ZNF432: variants seen among roughly 807,000 people sequenced by gnomAD.
ZNF432 encodes zinc finger protein 432.
Under a neutral mutation model 13.9 loss-of-function variants are expected in ZNF432, and 10 were observed. That is an observed-to-expected ratio of 0.72 (90% CI 0.44 to 1.22). ZNF432 has a LOEUF of 1.22. Ranked by LOEUF, ZNF432 falls within the 50% of genes most tolerant of loss-of-function variation. ZNF432 has a pLI of 0.00. For synonymous variants in ZNF432, 247 were observed against 256.2 expected, an observed-to-expected ratio of 0.96 and a Z score of 0.34; for missense variants, 793 against 796.2, an observed-to-expected ratio of 1.00 and a Z score of 0.05.
chr19:52,042,838 T>G (rs1400581009), intron 2 of ZNF432, among the ~76,000 whole-genome samples: 1 of 152,102 alleles, frequency 6.6e-6, no homozygotes, highest in African/African-American at 2.4e-5. Flanking sequence ...ACATATAACA[T>G]TATGCAAACA....
intron 4 of ZNF432, among the ~76,000 whole-genome samples, chr19:52,039,281 T>C (rs2087112018): frequency 6.6e-6 from 1 of 152,142 alleles, no homozygotes; most frequent in South Asian, 2.1e-4. Context: ...ACATGAACGT[T>C]CATAGCAGCA....
chr19:52,032,375 T>C lies in ZNF432; in HGVS notation c.*1345A>G, dbSNP rs1364650984. The C allele has an allele frequency of 2.0e-5, 3 of 152,020 alleles. No individual in the cohort carries two copies. The highest frequency in any genetic ancestry group is 2.9e-5 in the Non-Finnish European group (2 of 68,018). 9.4% of individuals were successfully genotyped at this position (152,020 alleles called of 1,614,324 possible). On this transcript the variant is annotated 3_prime_UTR_variant, in exon 5 of 5. Transcript: ENST00000221315. Reference sequence around the variant, plus strand: ...ATTGATAATATGATGCAAGGTATGCTGTCACAGAATAGATATCAAGTGTAT... The same window carrying C: ...ATTGATAATATGATGCAAGGTATGCCGTCACAGAATAGATATCAAGTGTAT...
rs1344203208 is a variant in ZNF432, at chr19:52,034,250, G to A, written c.1429C>T (p.Arg477Ter). The change falls in exon 5 of 5, where the codon CGA becomes TGA. Residue 477 changes from arginine (R) to a stop codon, truncating the protein, a stop_gained. Coordinates refer to ENST00000221315, the MANE Select transcript of ZNF432 (RefSeq NM_014650.4). LOFTEE classifies it low-confidence loss of function (END_TRUNC). Reference sequence around the variant, plus strand: ...TAAGGTTTCTCTCCAGTATGAGTTCGCTGATGTACAATCAGCCGACTCTTC... The same window carrying A: ...TAAGGTTTCTCTCCAGTATGAGTTCACTGATGTACAATCAGCCGACTCTTC... ...PLKSRLIVHQ[R>*]THTGEKPYRC... The A allele has an allele frequency of 1.3e-5, 21 of 1,614,020 alleles. No individual in the cohort carries two copies. Among genetic ancestry groups the A allele is most frequent in the Middle Eastern group, 1.6e-4 (1 of 6,062 alleles).
intron 4 of ZNF432, among the ~76,000 whole-genome samples, chr19:52,036,235 A>G (rs1171476233): frequency 1.3e-5 from 2 of 152,250 alleles, no homozygotes; most frequent in Non-Finnish European, 2.9e-5. Context: ...TTTGGGATAC[A>G]CAAAATATGC....
chr19:52,034,090 A>C lies in ZNF432; in HGVS notation c.1589T>G (p.Val530Gly). The change falls in exon 5 of 5, where the codon GTA becomes GGA. Residue 530 changes from valine to glycine, a missense_variant. Physicochemically the swap from Val to Gly is moderately radical, Grantham distance 109. Transcript: ENST00000221315. ...KGFAFKSNLV[V>G]HQRTHTGEKP... The stretch of plus-strand genomic sequence containing the variant: ...CTCTCCAGTATGAGTTCGCTGGTGT[A>C]CAACAAGATTGCTCTTAAAGGCAAA... 1 of 1,613,936 alleles carries C rather than the reference A, an allele frequency of 6.2e-7. No homozygotes were observed. Among genetic ancestry groups the C allele is most frequent in the Non-Finnish European group, 8.5e-7 (1 of 1,179,912 alleles).
chr19:52,039,733 G>T (rs980537311), intron 4 of ZNF432, among the ~76,000 whole-genome samples: 1 of 151,040 alleles, frequency 6.6e-6, no homozygotes, highest in East Asian at 1.9e-4. Context: ...GGAGCCTGAG[G>T]CAGGAGAATC....
intron 4 of ZNF432, among the ~76,000 whole-genome samples, chr19:52,038,616 C>T (rs1384192004): frequency 6.6e-6 from 1 of 152,204 alleles, no homozygotes; most frequent in Non-Finnish European, 1.5e-5. Context: ...ATTCATGTCA[C>T]CATCTTCCTA....
chr19:52,048,599 C>G (rs1355077162), intron 1 of ZNF432, 96 bp downstream of exon 1: 1 of 152,238 alleles, frequency 6.6e-6, no homozygotes, highest in African/African-American at 2.4e-5. Context: ...TCCCCCAACC[C>G]CCGCGCTACC....
At chr19:52,035,750 C>T (rs1204515152) in intron 4 of ZNF432, among the ~76,000 whole-genome samples, 2 of 152,078 alleles carry the variant, frequency 1.3e-5, no homozygotes, top group East Asian at 3.9e-4. Context: ...CCAGGCTGGT[C>T]TTGAACTCCT....
intron 2 of ZNF432, among the ~76,000 whole-genome samples, chr19:52,043,485 T>C (rs912587533): frequency 9.2e-5 from 14 of 151,856 alleles, no homozygotes; most frequent in African/African-American, 2.9e-4. Flanking sequence ...TTTCTCCCCA[T>C]GTGATAGTCT....
chr19:52,044,099 C>A (rs1156500969), intron 2 of ZNF432, among the ~76,000 whole-genome samples: 2 of 152,144 alleles, frequency 1.3e-5, no homozygotes, highest in Admixed American at 6.5e-5. Context: ...CCCACCCCTT[C>A]ACAAATTGAT....
chr19:52,046,763 TTA>T, intron 2 of ZNF432, 89 bp downstream of exon 2: 1 of 1,374,570 alleles, frequency 7.3e-7, no homozygotes, highest in Non-Finnish European at 1.0e-6. Context: ...GATTTAAAGT[TTA>T]TTTCTCTCTA....
chr19:52,040,408 C>T, intron 4 of ZNF432, 80 bp downstream of exon 4: 1 of 1,228,868 alleles, frequency 8.1e-7, no homozygotes, highest in Non-Finnish European at 1.2e-6. Flanking sequence ...GTAGGCACTG[C>T]TTCTGTGTCC....
At position 52,046,796 on chromosome 19, in the gene ZNF432, C is replaced by T. The variant is rs113173256; in HGVS notation, c.15+58G>A. ...CTCTAGATTCTGAAATGATTTCTTA[C>T]GGGTCTCTACAAATCCACTATGGAA... On this transcript the variant is annotated intron_variant, in intron 2 of 4. Transcript: ENST00000221315. 1.2e-3 allele frequency: 1,859 copies of T among 1,528,778 alleles called. 5 individuals carry two copies. Among genetic ancestry groups the T allele is most frequent in the Admixed American group, 2.0e-3 (108 of 53,178 alleles). 94.7% of individuals were successfully genotyped at this position (1,528,778 alleles called of 1,614,324 possible).
intron 1 of ZNF432, among the ~76,000 whole-genome samples, chr19:52,047,895 A>G (rs994831638): frequency 6.6e-6 from 1 of 152,096 alleles, no homozygotes; most frequent in Non-Finnish European, 1.5e-5. Context: ...AAGGATAAAA[A>G]TAGGCTCTTG....
intron 4 of ZNF432, among the ~76,000 whole-genome samples, chr19:52,035,657 C>T (rs1377706766): frequency 6.6e-6 from 1 of 152,130 alleles, no homozygotes; most frequent in Non-Finnish European, 1.5e-5. Flanking sequence ...CTCAGCCTCC[C>T]AAGTAGCTGG....
chr19:52,035,909 T>C (rs1215093505), intron 4 of ZNF432, among the ~76,000 whole-genome samples: 1 of 152,094 alleles, frequency 6.6e-6, no homozygotes, highest in African/African-American at 2.4e-5. Context: ...TACACTTTGG[T>C]AAAAACATAA....
chr19:52,046,765 ATT>A, intron 2 of ZNF432, 87 bp downstream of exon 2: 1 of 1,382,912 alleles, frequency 7.2e-7, no homozygotes. Context: ...TTTAAAGTTT[ATT>A]TCTCTCTAGA....
chr19:52,040,512 C>A lies in ZNF432; in HGVS notation c.214G>T (p.Glu72Ter). 1 of 1,614,160 alleles carries A rather than the reference C, an allele frequency of 6.2e-7. No individual in the cohort carries two copies. The highest frequency in any genetic ancestry group is 8.5e-7 in the Non-Finnish European group (1 of 1,180,008). ...RGEEPWTMED[E>*]RHSRICPENN... is the part of the protein sequence containing the mutation. The stretch of plus-strand genomic sequence containing the variant: ...CCTGGACAGATTCGACTGTGCCTTT[C>A]ATCTTCCATTGTCCATGGTTCTTCT... Residue 72 changes from glutamate (E) to a stop codon, truncating the protein, a stop_gained, in exon 4 of 5, where the codon GAA becomes TAA. Transcript: ENST00000221315. LOFTEE classifies it low-confidence loss of function (END_TRUNC).
Sources: gnomAD v4.1 joint callset for allele counts (sites outside exome capture counted in the v4.1 genomes callset) on GRCh38, gnomAD v4.1.1 for gene constraint, MANE v1.5 for transcripts, NCBI Gene and HGNC (gene_info 2026-07-23, HGNC 2026-07-21) for gene names.